KAZN: variants seen among roughly 807,000 people sequenced by gnomAD.
KAZN encodes the protein kazrin, periplakin interacting protein.
Under a neutral mutation model 87.4 loss-of-function variants are expected in KAZN, and 40 were observed. That is an observed-to-expected ratio of 0.46 (90% CI 0.36 to 0.60). KAZN has a LOEUF of 0.60. Among genes scored for constraint, KAZN ranks in the 20% least tolerant of loss-of-function variants. The pLI, the probability that KAZN is intolerant of heterozygous loss-of-function variation, is 0.00. For synonymous variants in KAZN, 466 were observed against 458.3 expected (o/e 1.02, Z -0.22); for missense variants, 898 against 1,073.9 (o/e 0.84, Z 2.29).
intron 2 of KAZN, among the ~76,000 whole-genome samples, chr1:14,455,498 C>A (rs1345640839): frequency 6.6e-6 from 1 of 152,142 alleles, no homozygotes; most frequent in South Asian, 2.1e-4. Flanking sequence ...GTGTTGTTTG[C>A]AAAGAGGCTT....
chr1:13,942,357 G>T (rs945546825), intron 1 of KAZN, among the ~76,000 whole-genome samples: 2 of 149,790 alleles, frequency 1.3e-5, no homozygotes, highest in African/African-American at 2.5e-5. Context: ...TGGCTAACAA[G>T]GTGAAACCCC....
In KAZN at chr1:14,622,144, A is replaced by G. The variant is rs532168448; in HGVS notation, c.226+22921A>G. On this transcript the variant is annotated intron_variant, in intron 1 of 14. Transcript: ENST00000376030. ...TTTACCTTGTGAGCTGCTTGAAGTC[A>G]GATGTGCTCTGACTTCTTTTAAGAC... Among the ~76,000 whole-genome samples, 5 of 152,336 alleles carry G rather than the reference A, an allele frequency of 3.3e-5. No individual in the cohort carries two copies. The South Asian group carries it at 1.0e-3, about 32-fold the overall frequency.
intron 2 of KAZN, among the ~76,000 whole-genome samples, chr1:14,407,542 G>A (rs1450526707): frequency 6.6e-6 from 1 of 152,152 alleles, no homozygotes; most frequent in Non-Finnish European, 1.5e-5. Flanking sequence ...GAGAAGATGT[G>A]AACAGGGTAT....
At chr1:14,401,649 C>T (rs760117134) in intron 2 of KAZN, among the ~76,000 whole-genome samples, 1 of 151,892 alleles carries the variant, frequency 6.6e-6, no homozygotes, top group Non-Finnish European at 1.5e-5. Context: ...AACCCCATCT[C>T]TACAAAAAAT....
intron 2 of KAZN, among the ~76,000 whole-genome samples, chr1:14,292,525 ATCCATG>A: frequency 6.6e-6 from 1 of 152,082 alleles, no homozygotes; most frequent in East Asian, 1.9e-4. Flanking sequence ...GCAGGGATTG[ATCCATG>A]TCCAGGGAGT....
intron 1 of KAZN, among the ~76,000 whole-genome samples, chr1:14,088,955 AT>A (rs34377005): frequency 0.011 from 1,558 of 142,536 alleles, 18 homozygotes; most frequent in African/African-American, 0.034. Flanking sequence ...CATCATTCTA[AT>A]TTTTTTTTTT....
At chr1:14,914,804 G>A (rs564805830) in intron 1 of KAZN, among the ~76,000 whole-genome samples, 112 of 152,192 alleles carry the variant, frequency 7.4e-4, no homozygotes, top group Middle Eastern at 3.4e-3. Context: ...TAACCTCTCT[G>A]AACCTTGGAT....
At chr1:14,372,940 G>T (rs1557671114) in intron 2 of KAZN, among the ~76,000 whole-genome samples, 1 of 152,126 alleles carries the variant, frequency 6.6e-6, no homozygotes, top group African/African-American at 2.4e-5. Flanking sequence ...AACAGAAACA[G>T]GGGATAGAGA....
intron 2 of KAZN, among the ~76,000 whole-genome samples, chr1:14,321,644 T>C (rs1571299983): frequency 2.0e-5 from 3 of 152,346 alleles, no homozygotes; most frequent in Middle Eastern, 6.8e-3. Flanking sequence ...TTGTGTACTA[T>C]AAAAGCATCA....
intron 1 of KAZN, among the ~76,000 whole-genome samples, chr1:13,995,509 C>T (rs141248977): frequency 3.3e-4 from 50 of 152,156 alleles, no homozygotes; most frequent in African/African-American, 1.1e-3. Flanking sequence ...AAAACTGAAA[C>T]AATATTGGAA....
intron 2 of KAZN, among the ~76,000 whole-genome samples, chr1:14,414,249 T>G (rs1480141975): frequency 7.2e-5 from 11 of 151,940 alleles, no homozygotes; most frequent in Admixed American, 5.9e-4. Context: ...GTTTTCAGCA[T>G]TTCCATTTCT....
chr1:14,543,789 A>G (rs1206474073), intron 2 of KAZN, among the ~76,000 whole-genome samples: 2 of 152,220 alleles, frequency 1.3e-5, no homozygotes, highest in Non-Finnish European at 2.9e-5. Flanking sequence ...ATTGGCAAAC[A>G]GCAAGTTACA....
At chr1:14,348,755 G>A (rs1658302284) in intron 2 of KAZN, among the ~76,000 whole-genome samples, 1 of 152,220 alleles carries the variant, frequency 6.6e-6, no homozygotes, top group Admixed American at 6.5e-5. Flanking sequence ...TGAGAATCAG[G>A]ATGGATGGTC....
chr1:14,667,316 C>T lies in KAZN; in HGVS notation c.226+68093C>T, dbSNP rs953888529. On this transcript the variant is annotated intron_variant, in intron 1 of 14. Transcript: ENST00000376030. ...CATGGTTTTCAGCTCTCCTTGAAGG[C>T]GCGGACCTCCAGAAGGGTTCACGTC... is the stretch of plus-strand genomic sequence containing the variant. Among the ~76,000 whole-genome samples, 6 of 152,152 alleles carry T rather than the reference C, an allele frequency of 3.9e-5. No homozygotes were observed. In the South Asian group the frequency reaches 1.0e-3, roughly 26 times the overall value.
At chr1:15,074,373 A>G (rs962131644) in intron 8 of KAZN, among the ~76,000 whole-genome samples, 1 of 152,178 alleles carries the variant, frequency 6.6e-6, no homozygotes, top group African/African-American at 2.4e-5. Context: ...CAGGGGGCAC[A>G]TCATCTCCAA....
At chr1:15,011,019 G>A (rs899520412) in intron 2 of KAZN, among the ~76,000 whole-genome samples, 4 of 152,110 alleles carry the variant, frequency 2.6e-5, no homozygotes, top group Admixed American at 2.6e-4. Context: ...GCTTAAATAG[G>A]CTCAACTATT....
intron 2 of KAZN, among the ~76,000 whole-genome samples, chr1:14,423,896 C>T (rs1270149440): frequency 6.6e-6 from 1 of 152,136 alleles, no homozygotes; most frequent in Non-Finnish European, 1.5e-5. Context: ...ATCAGCTTTG[C>T]CTATAAAGGA....
chr1:15,074,617 G>A (rs1639657026), intron 8 of KAZN, among the ~76,000 whole-genome samples: 1 of 152,162 alleles, frequency 6.6e-6, no homozygotes, highest in South Asian at 2.1e-4. Flanking sequence ...TGTCCCCCAC[G>A]AACCACAGGA....
At chr1:14,413,363 G>A (rs1278022743) in intron 2 of KAZN, among the ~76,000 whole-genome samples, 1 of 151,898 alleles carries the variant, frequency 6.6e-6, no homozygotes, top group East Asian at 1.9e-4. Context: ...GGCTGAGGCG[G>A]GCGGATCACG....
Sources: allele counts gnomAD v4.1 joint callset (sites outside exome capture counted in the v4.1 genomes callset), GRCh38; gene constraint gnomAD v4.1.1; transcripts MANE v1.5; gene names NCBI Gene and HGNC (gene_info 2026-07-23, HGNC 2026-07-21).